CATSPER3: variants seen among roughly 807,000 people sequenced by gnomAD.
CATSPER3 encodes the protein cation channel sperm-associated protein 3.
In CATSPER3, 23 loss-of-function variants were observed where a neutral mutation model predicts 36.6. The observed-to-expected ratio is 0.63, with a 90% confidence interval of 0.45 to 0.89. The LOEUF is 0.89. CATSPER3 is among the 40% of genes least tolerant of loss of function. The pLI is 0.00. For synonymous variants in CATSPER3, 172 were observed against 184.1 expected (o/e 0.93, Z 0.53); for missense variants, 474 against 503.9 (o/e 0.94, Z 0.57).
chr5:135,007,089 T>C (rs940265301), intron 3 of CATSPER3, among the ~76,000 whole-genome samples: 2 of 152,098 alleles, frequency 1.3e-5, no homozygotes, highest in Non-Finnish European at 2.9e-5. Flanking sequence ...CCTTTCCTAG[T>C]ACTAAGCCAG....
intron 2 of CATSPER3, among the ~76,000 whole-genome samples, chr5:134,976,621 G>A (rs1751678255): frequency 6.6e-6 from 1 of 152,228 alleles, no homozygotes; most frequent in Non-Finnish European, 1.5e-5. Context: ...GCTCCACTAG[G>A]CAGTGCCCTA....
chr5:135,002,163 G>T (rs1752028034), intron 3 of CATSPER3, among the ~76,000 whole-genome samples: 1 of 152,192 alleles, frequency 6.6e-6, no homozygotes, highest in Admixed American at 6.5e-5. Flanking sequence ...GCCTGGTGGT[G>T]ACAAAATCTC....
At chr5:135,002,908 T>G (rs539720593) in intron 3 of CATSPER3, among the ~76,000 whole-genome samples, 22 of 152,358 alleles carry the variant, frequency 1.4e-4, no homozygotes, top group African/African-American at 4.3e-4. Flanking sequence ...ACATCCTCCT[T>G]TAGCTTGGAG....
chr5:134,980,210 G>C (rs1024409560), intron 2 of CATSPER3, among the ~76,000 whole-genome samples: 8 of 151,790 alleles, frequency 5.3e-5, no homozygotes, highest in Admixed American at 3.9e-4. Context: ...TTGAACTCCT[G>C]GCCTCAAGAG....
chr5:135,009,563 G>C, intron 6 of CATSPER3, 73 bp downstream of exon 6: 1 of 230,874 alleles, frequency 4.3e-6, no homozygotes, highest in Non-Finnish European at 6.1e-6. Context: ...CCAGGAGGAG[G>C]GGCCGTGGTG....
chr5:134,994,531 C>T (rs905499671), intron 2 of CATSPER3, among the ~76,000 whole-genome samples: 6 of 152,188 alleles, frequency 3.9e-5, no homozygotes, highest in South Asian at 2.1e-4. Context: ...TATCCTACAA[C>T]GCAGTAATTC....
chr5:135,011,229 C>G (rs2149554556), intron 7 of CATSPER3, among the ~76,000 whole-genome samples: 1 of 152,274 alleles, frequency 6.6e-6, no homozygotes, highest in East Asian at 1.9e-4. Context: ...TGGGGAATGC[C>G]CACTTTTGGC....
chr5:134,997,930 T>C (rs1213526163), intron 3 of CATSPER3, among the ~76,000 whole-genome samples: 1 of 152,238 alleles, frequency 6.6e-6, no homozygotes, highest in Admixed American at 6.5e-5. Flanking sequence ...TGTTGTTTTT[T>C]TAAAAATTAT....
In CATSPER3 at chr5:135,005,627, C is replaced by T. The variant is rs146944173; in HGVS notation, c.493-2330C>T. On this transcript the variant is annotated intron_variant, in intron 3 of 7. Transcript: ENST00000282611. Reference sequence around the variant, plus strand: ...AAAGGAATCCTTAAATAAAGAGCTACAATCTCAGAGCCCAGAGATGGCGCT... The same window carrying T: ...AAAGGAATCCTTAAATAAAGAGCTATAATCTCAGAGCCCAGAGATGGCGCT... Among the ~76,000 whole-genome samples, 103 of 152,380 alleles carry T rather than the reference C, an allele frequency of 6.8e-4. 2 individuals are homozygous for T. In the East Asian group the frequency reaches 0.019, roughly 28 times the overall value.
intron 6 of CATSPER3, among the ~76,000 whole-genome samples, chr5:135,009,960 A>G (rs1561465852): frequency 6.6e-6 from 1 of 152,228 alleles, no homozygotes; most frequent in Non-Finnish European, 1.5e-5. Context: ...TGATGCAACC[A>G]TGAGGGACCC....
At chr5:134,980,853 A>T (rs1000963952) in intron 2 of CATSPER3, among the ~76,000 whole-genome samples, 2 of 152,148 alleles carry the variant, frequency 1.3e-5, no homozygotes, top group African/African-American at 2.4e-5. Context: ...CAGCCTCCTG[A>T]GTAGCTAGGA....
At chr5:135,008,622 C>T (rs768926884) in intron 4 of CATSPER3, among the ~76,000 whole-genome samples, 7 of 152,122 alleles carry the variant, frequency 4.6e-5, no homozygotes, top group East Asian at 1.9e-4. Context: ...AAAGAGACCT[C>T]GAGGCATGTT....
At chr5:134,979,908 A>G (rs1751727545) in intron 2 of CATSPER3, among the ~76,000 whole-genome samples, 1 of 149,726 alleles carries the variant, frequency 6.7e-6, no homozygotes, top group Non-Finnish European at 1.5e-5. Flanking sequence ...AATCTAGGAG[A>G]ACTTTTCTTC....
chr5:135,002,694 T>A (rs1752036262), intron 3 of CATSPER3, among the ~76,000 whole-genome samples: 1 of 152,248 alleles, frequency 6.6e-6, no homozygotes, highest in Non-Finnish European at 1.5e-5. Context: ...TCGCTTCATT[T>A]CATTCATTTG....
chr5:135,010,475 C>CCCT lies in CATSPER3; in HGVS notation c.1040_1042dup (p.Pro347_Phe348insSer). 1 of 1,613,974 alleles carries CCCT rather than the reference C, an allele frequency of 6.2e-7. No individual in the cohort carries two copies. The highest frequency in any genetic ancestry group is 8.5e-7 in the Non-Finnish European group (1 of 1,179,800). ...CTTGGATGATTTTGGCACTAGCTTA[C>CCCT]CCTTCATCGATATCTACTTTTCCAC... On this transcript the variant is annotated inframe_insertion, in exon 7 of 8. Transcript: ENST00000282611.
intron 2 of CATSPER3, among the ~76,000 whole-genome samples, chr5:134,989,405 T>C (rs1751852884): frequency 6.6e-6 from 1 of 152,256 alleles, no homozygotes; most frequent in Non-Finnish European, 1.5e-5. Flanking sequence ...AAGTCTTTTT[T>C]ATCTACTTTG....
At chr5:134,983,663 A>G (rs1452328692) in intron 2 of CATSPER3, among the ~76,000 whole-genome samples, 1 of 152,230 alleles carries the variant, frequency 6.6e-6, no homozygotes, top group Non-Finnish European at 1.5e-5. Context: ...AATAGATAGT[A>G]AGGCAGAAAC....
At chr5:134,984,669 G>T (rs2149548043) in intron 2 of CATSPER3, among the ~76,000 whole-genome samples, 1 of 152,266 alleles carries the variant, frequency 6.6e-6, no homozygotes, top group South Asian at 2.1e-4. Flanking sequence ...ATACATTGCT[G>T]GTAGGAAGCT....
Position 135,010,305 on chromosome 5 carries a change from T to C in CATSPER3, c.937-68T>C. ...TGCCTGGGGCCCATCCTGGAGAGTCTCCATGTCTCTGTGCAGCTCGGCTGT... is the reference window on the plus strand; with the variant it reads ...TGCCTGGGGCCCATCCTGGAGAGTCCCCATGTCTCTGTGCAGCTCGGCTGT... On this transcript the variant is annotated intron_variant, in intron 6 of 7. Transcript: ENST00000282611. 5.7e-6 allele frequency: 8 copies of C among 1,396,668 alleles called. No homozygotes were observed. The Admixed American group carries it at 1.3e-4, about 23-fold the overall frequency. 86.5% of individuals were successfully genotyped at this position (1,396,668 alleles called of 1,614,324 possible). A position where few individuals can be genotyped will look rare whatever the true frequency, so the allele number is the denominator to read the frequency against.
Sources: allele counts gnomAD v4.1 joint callset (sites outside exome capture counted in the v4.1 genomes callset), GRCh38; gene constraint gnomAD v4.1.1; transcripts MANE v1.5; gene names NCBI Gene and HGNC (gene_info 2026-07-23, HGNC 2026-07-21).